CPSF4L: variants seen among roughly 807,000 people sequenced by gnomAD.
The protein encoded by CPSF4L is cleavage and polyadenylation specific factor 4 like.
In CPSF4L, 18 loss-of-function variants were observed where a neutral mutation model predicts 24.0. The ratio of observed to expected loss-of-function variants is 0.75; its 90% CI spans 0.52 to 1.11. The LOEUF is 1.11. Ranked by LOEUF, CPSF4L falls within the 50% of genes least tolerant of loss-of-function variation. The probability of loss-of-function intolerance (pLI) is 0.00; values close to 1 mark genes in which losing one functional copy is unlikely to be tolerated. For missense variants in CPSF4L, 211 were observed against 221.8 expected (o/e 0.95, Z 0.31); for synonymous variants, 72 against 77.2 (o/e 0.93, Z 0.35).
rs1599410763 is a variant in CPSF4L, at chr17:73,251,239, T to C, written c.497+1391A>G. The C allele has an allele frequency of 7.3e-6, 8 of 1,093,790 alleles. No homozygotes were observed. In the East Asian group the frequency reaches 8.6e-5, roughly 12 times the overall value. 67.8% of individuals were successfully genotyped at this position (1,093,790 alleles called of 1,614,324 possible). ...GTTCAAGATGCCTTTAGTTACAGTT[T>C]TAAGTGCCAAAAGCATACCTTTCCA... is the stretch of plus-strand genomic sequence containing the variant. On this transcript the variant is annotated intron_variant, in intron 5 of 5. Transcript: ENST00000344935.
intron 2 of CPSF4L, among the ~76,000 whole-genome samples, chr17:73,258,432 A>G (rs2062031940): frequency 6.6e-6 from 1 of 151,984 alleles, no homozygotes; most frequent in South Asian, 2.1e-4. Flanking sequence ...CAGCCTCCCA[A>G]GTAGCTGGGA....
the CPSF4L span, chr17:73,242,385 C>A: frequency 7.0e-7 from 1 of 1,434,384 alleles, no homozygotes; most frequent in Non-Finnish European, 9.5e-7. Flanking sequence ...TCTTCTGTTG[C>A]AGGTTCTGGG....
At chr17:73,252,580 G>T in intron 5 of CPSF4L, 50 bp downstream of exon 5, 5 of 1,143,204 alleles carry the variant, frequency 4.4e-6, no homozygotes, top group African/African-American at 1.5e-5. Flanking sequence ...GAACTAGAAG[G>T]CCAGGCCTAG....
downstream of CPSF4L, chr17:73,245,127 T>C (rs1359001446): frequency 6.3e-7 from 1 of 1,595,898 alleles, no homozygotes; most frequent in Non-Finnish European, 8.6e-7. Context: ...TCATTGGAAG[T>C]GGCCTCTCGG....
At position 73,248,496 on chromosome 17, in the gene CPSF4L, A is replaced by G. The variant is rs1224626935; in HGVS notation, c.538T>C (p.Ter180GlnextTer6). The change falls in exon 6 of 6, where the codon TAA becomes CAA. Residue 180 changes from the stop codon to glutamine, a stop_lost. Transcript: ENST00000344935. Reference protein sequence around the residue: ...EFKLLPGSKI* With the variant: ...EFKLLPGSKIQ ...CCCCGCTAGGTAAGAAGCAACGCTT[A>G]GATCTTGCTTCCAGGCAGCAGCTTG... 1 of 1,551,736 alleles carries G rather than the reference A, an allele frequency of 6.4e-7. No individual in the cohort carries two copies. The highest frequency in any genetic ancestry group is 1.2e-5 in the South Asian group (1 of 84,064).
chr17:73,247,402 T>A, downstream of CPSF4L: 1 of 1,557,570 alleles, frequency 6.4e-7, no homozygotes, highest in Non-Finnish European at 8.9e-7. Flanking sequence ...GTGCCCTGTG[T>A]TGCCCACTGA....
chr17:73,258,418 G>A (rs1599414743), intron 2 of CPSF4L, among the ~76,000 whole-genome samples: 1 of 152,096 alleles, frequency 6.6e-6, no homozygotes, highest in African/African-American at 2.4e-5. Flanking sequence ...TGATCCTCCT[G>A]CCTCAGCCTC....
chr17:73,243,095 T>TTTTG, the CPSF4L span: 398,341 of 928,970 alleles, frequency 0.43, 59,909 homozygotes, highest in East Asian at 0.49. Context: ...TTTTTTTTTT[T>TTTTG]TTTTTTACAG....
intron 3 of CPSF4L, among the ~76,000 whole-genome samples, chr17:73,254,262 A>T (rs2062016098): frequency 6.6e-6 from 1 of 152,242 alleles, no homozygotes. Context: ...TGGAAGAGTA[A>T]GAGTGAGGGA....
chr17:73,249,867 TTTGAG>T (rs1177014567), intron 5 of CPSF4L: 1 of 171,630 alleles, frequency 5.8e-6, no homozygotes, highest in Non-Finnish European at 1.2e-5. Flanking sequence ...AAGAAAGCCA[TTTGAG>T]TTAATTGCCA....
chr17:73,260,699 A>G (rs2062041748), intron 2 of CPSF4L, among the ~76,000 whole-genome samples: 2 of 152,202 alleles, frequency 1.3e-5, no homozygotes, highest in South Asian at 4.1e-4. Flanking sequence ...CCCAGGAGGC[A>G]GAGGTTGCAG....
chr17:73,259,636 C>T (rs1324679570), intron 2 of CPSF4L, among the ~76,000 whole-genome samples: 1 of 152,190 alleles, frequency 6.6e-6, no homozygotes, highest in East Asian at 1.9e-4. Context: ...AGATGCCACT[C>T]AGTCCACATT....
the CPSF4L span, chr17:73,242,183 A>T: frequency 8.9e-7 from 1 of 1,124,270 alleles, no homozygotes; most frequent in Non-Finnish European, 1.3e-6. Context: ...TCGGCACTGG[A>T]TGTTAGGGAA....
At position 73,248,490 on chromosome 17, in the gene CPSF4L, A is replaced by G. The variant is rs1294250293; in HGVS notation, c.*4T>C. ...GGAGTGCCCCGCTAGGTAAGAAGCA[A>G]CGCTTAGATCTTGCTTCCAGGCAGC... On this transcript the variant is annotated 3_prime_UTR_variant, in exon 6 of 6. Transcript: ENST00000344935. 2.6e-6 allele frequency: 4 copies of G among 1,551,678 alleles called. No homozygotes were observed. In the Admixed American group the frequency reaches 5.9e-5, roughly 23 times the overall value.
intron 5 of CPSF4L, among the ~76,000 whole-genome samples, chr17:73,249,135 C>T (rs776801880): frequency 4.8e-4 from 73 of 152,136 alleles, no homozygotes; most frequent in African/African-American, 1.7e-3. Context: ...GTGTTAATTC[C>T]AGCAACGTCT....
downstream of CPSF4L, chr17:73,248,155 A>G (rs2061977751): frequency 1.1e-5 from 3 of 265,616 alleles, no homozygotes; most frequent in South Asian, 1.3e-4. Context: ...TCGCTCATGT[A>G]TGCAAAATTC....
chr17:73,260,842 T>A, intron 2 of CPSF4L, 91 bp downstream of exon 2: 1 of 1,026,892 alleles, frequency 9.7e-7, no homozygotes, highest in Non-Finnish European at 1.4e-6. Flanking sequence ...TTCGACACCC[T>A]ATCCCAGGCC....
chr17:73,251,108 C>A, intron 5 of CPSF4L: 2 of 1,540,386 alleles, frequency 1.3e-6, no homozygotes, highest in Non-Finnish European at 8.8e-7. Context: ...CAAGCTACAG[C>A]TGAAGTGCAG....
At chr17:73,247,217 A>G (rs2061963130), downstream of CPSF4L, 2 of 1,606,896 alleles carry the variant, frequency 1.2e-6, no homozygotes, top group East Asian at 4.5e-5. Flanking sequence ...AAAGCTGAAA[A>G]TATTTACTAT....
Sources: allele counts gnomAD v4.1 joint callset (sites outside exome capture counted in the v4.1 genomes callset), GRCh38; gene constraint gnomAD v4.1.1; transcripts MANE v1.5; gene names NCBI Gene and HGNC (gene_info 2026-07-23, HGNC 2026-07-21).